MTHFD1L: variants seen among roughly 807,000 people sequenced by gnomAD.
MTHFD1L encodes the protein monofunctional C1-tetrahydrofolate synthase, mitochondrial.
MTHFD1L carries 81 observed loss-of-function variants against 119.5 expected under a neutral mutation model. The observed-to-expected ratio is 0.68, with a 90% CI of 0.57 to 0.82. The LOEUF (loss-of-function observed/expected upper bound fraction) is 0.82, where lower values mean the gene tolerates loss of function less well. MTHFD1L is among the 40% of genes least tolerant of loss of function. The pLI is 0.00. For synonymous variants in MTHFD1L, 430 were observed against 475.2 expected (o/e 0.90, Z 1.24); for missense variants, 1,125 against 1,253.4 (o/e 0.90, Z 1.55).
At chr6:151,100,169 GA>G (rs1026731627) in intron 27 of MTHFD1L, among the ~76,000 whole-genome samples, 6 of 151,788 alleles carry the variant, frequency 4.0e-5, no homozygotes, top group African/African-American at 1.5e-4. Flanking sequence ...GAGTAGCTGG[GA>G]CTACAGGCAC....
At chr6:150,963,985 G>A (rs1368631061) in intron 18 of MTHFD1L, among the ~76,000 whole-genome samples, 2 of 152,094 alleles carry the variant, frequency 1.3e-5, no homozygotes, top group Non-Finnish European at 2.9e-5. Flanking sequence ...GGCCAATATG[G>A]TGAAACCCCA....
At chr6:150,875,137 C>G (rs966107362) in intron 1 of MTHFD1L, among the ~76,000 whole-genome samples, 2 of 151,922 alleles carry the variant, frequency 1.3e-5, no homozygotes, top group Non-Finnish European at 2.9e-5. Context: ...CTTACTACAG[C>G]CTCAAACTCA....
chr6:150,984,784 A>G lies in MTHFD1L; in HGVS notation c.2125+12726A>G, dbSNP rs183296127. Among the ~76,000 whole-genome samples the G allele has an allele frequency of 2.6e-4, 39 of 152,332 alleles. No homozygotes were observed. In the East Asian group the frequency reaches 7.1e-3, roughly 28 times the overall value. On this transcript the variant is annotated intron_variant, in intron 20 of 27. Transcript: ENST00000367321. ...AATACATCTTACAATCTGTCTTTCA[A>G]AGTTTCAATAGACTTAACTTAGAGT...
intron 7 of MTHFD1L, among the ~76,000 whole-genome samples, chr6:150,899,578 G>A (rs983791036): frequency 6.6e-6 from 1 of 152,176 alleles, no homozygotes; most frequent in Non-Finnish European, 1.5e-5. Context: ...TTTTAATACT[G>A]CAGGGGAAAG....
chr6:151,043,672 G>A (rs7754661), intron 26 of MTHFD1L, among the ~76,000 whole-genome samples: 53,765 of 152,054 alleles, frequency 0.35, 10,865 homozygotes, highest in South Asian at 0.58. Flanking sequence ...CATTGAGGCA[G>A]TGAGAGAGAC....
chr6:150,878,163 T>C (rs1459614501), intron 4 of MTHFD1L, among the ~76,000 whole-genome samples: 2 of 152,212 alleles, frequency 1.3e-5, no homozygotes, highest in Admixed American at 6.5e-5. Flanking sequence ...CCGGCCCTTC[T>C]GTGGTTAGCT....
At chr6:150,920,304 C>T (rs1788677547) in intron 9 of MTHFD1L, among the ~76,000 whole-genome samples, 1 of 152,206 alleles carries the variant, frequency 6.6e-6, no homozygotes, top group African/African-American at 2.4e-5. Flanking sequence ...AAACCACCAC[C>T]ACCTGTGTGA....
intron 7 of MTHFD1L, among the ~76,000 whole-genome samples, chr6:150,902,535 C>T (rs898757597): frequency 6.6e-6 from 1 of 152,136 alleles, no homozygotes; most frequent in African/African-American, 2.4e-5. Flanking sequence ...TAAAATCTTC[C>T]CTTGTCCTGG....
At chr6:150,876,341 GC>G (rs1455303774) in intron 2 of MTHFD1L, among the ~76,000 whole-genome samples, 167 bp downstream of exon 2, 3 of 152,134 alleles carry the variant, frequency 2.0e-5, no homozygotes, top group Non-Finnish European at 2.9e-5. Flanking sequence ...GTGAAGTACT[GC>G]CCTGCTTGAG....
chr6:150,867,559 C>T (rs1209825006), intron 1 of MTHFD1L, among the ~76,000 whole-genome samples: 1 of 152,156 alleles, frequency 6.6e-6, no homozygotes, highest in Admixed American at 6.5e-5. Flanking sequence ...AAAACTTCTC[C>T]CGTCATGCTG....
chr6:151,078,052 C>CAAAAAAAAAAAAAAAAAAAAA (rs71014538), intron 26 of MTHFD1L, among the ~76,000 whole-genome samples: 1 of 59,936 alleles, frequency 1.7e-5, no homozygotes, highest in African/African-American at 5.7e-5. Flanking sequence ...GACTCTGTCT[C>CAAAAAAAAAAAAAAAAAAAAA]AAAAAAAAAA....
chr6:151,024,022 A>G (rs2128507919), intron 24 of MTHFD1L, among the ~76,000 whole-genome samples: 1 of 152,298 alleles, frequency 6.6e-6, no homozygotes, highest in South Asian at 2.1e-4. Context: ...AAGACAGAAA[A>G]CTACGATCTT....
intron 2 of MTHFD1L, 120 bp from the exon 3 acceptor site, chr6:150,877,514 T>A: frequency 8.9e-7 from 1 of 1,126,820 alleles, no homozygotes; most frequent in Non-Finnish European, 1.3e-6. Flanking sequence ...ATTGTTTTTC[T>A]GCACCTTCCA....
In MTHFD1L at chr6:151,087,250, A is replaced by AAAATAAAT. The variant is rs10684000; in HGVS notation, c.2848-5178_2848-5171dup. 6.2e-3 allele frequency among the ~76,000 whole-genome samples: 899 copies of AAAATAAAT among 145,462 alleles called. 10 individuals carry two copies. Among genetic ancestry groups the AAAATAAAT allele is most frequent in the East Asian group, 0.037 (182 of 4,964 alleles). ...GGCGACAGAGCCAGAGGCCATCTCA[A>AAAATAAAT]AAATAAATAAATAAATAAATAAATA... On this transcript the variant is annotated intron_variant, in intron 26 of 27. Transcript: ENST00000367321.
intron 26 of MTHFD1L, among the ~76,000 whole-genome samples, chr6:151,090,394 C>A (rs1187797204): frequency 1.3e-5 from 2 of 152,242 alleles, no homozygotes; most frequent in African/African-American, 4.8e-5. Flanking sequence ...CACATCAGAA[C>A]CCCCTGGGGA....
chr6:150,995,685 A>G lies in MTHFD1L; in HGVS notation c.2126-14134A>G, dbSNP rs140266509. The stretch of plus-strand genomic sequence containing the variant: ...CTAATAACATATTTCTTTTGTTTTG[A>G]GACGGAGTTTTGCTCTTGTTGCCCA... On this transcript the variant is annotated intron_variant, in intron 20 of 27. Coordinates refer to ENST00000367321, the MANE Select transcript of MTHFD1L (RefSeq NM_015440.5). Among the ~76,000 whole-genome samples the G allele has an allele frequency of 1.2e-3, 176 of 151,996 alleles. 1 individual carries two copies. The highest frequency in any genetic ancestry group is 3.9e-3 in the African/African-American group (162 of 41,444).
intron 8 of MTHFD1L, among the ~76,000 whole-genome samples, chr6:150,907,499 T>A (rs981134879): frequency 6.6e-6 from 1 of 152,184 alleles, no homozygotes; most frequent in African/African-American, 2.4e-5. Context: ...GGATGGGATG[T>A]GAAAACAGAA....
Position 150,888,645 on chromosome 6 carries a change from G to C in MTHFD1L, c.780+664G>C, listed in dbSNP as rs78792740. 6.8e-3 allele frequency among the ~76,000 whole-genome samples: 1,040 copies of C among 152,282 alleles called. 7 individuals are homozygous for C. Among genetic ancestry groups the C allele is most frequent in the East Asian group, 0.035 (181 of 5,178 alleles). On this transcript the variant is annotated intron_variant, in intron 7 of 27. Coordinates refer to ENST00000367321, the MANE Select transcript of MTHFD1L (RefSeq NM_015440.5). ...ATACTAATTGTCTGCAAATTTTGTA[G>C]AATTTGACAGTCTGATTCTGAAATC...
At chr6:150,936,741 G>A (rs1044679769) in intron 11 of MTHFD1L, 63 bp from the exon 12 acceptor site, 56 of 1,563,004 alleles carry the variant, frequency 3.6e-5, no homozygotes, top group Admixed American at 2.3e-4. Context: ...TGGTGTCTTC[G>A]GCTGGTTTTG....
Sources: allele counts gnomAD v4.1 joint callset (sites outside exome capture counted in the v4.1 genomes callset), GRCh38; gene constraint gnomAD v4.1.1; transcripts MANE v1.5; gene names NCBI Gene and HGNC (gene_info 2026-07-23, HGNC 2026-07-21).